PEX5L: variants seen among roughly 807,000 people sequenced by gnomAD.
The protein encoded by PEX5L is PEX5-related protein.
PEX5L carries 30 observed loss-of-function variants against 84.0 expected under a neutral mutation model. The observed-to-expected ratio is 0.36, with a 90% CI of 0.27 to 0.48. PEX5L has a LOEUF of 0.48. Among genes scored for constraint, PEX5L ranks in the 20% least tolerant of loss-of-function variants. The probability of loss-of-function intolerance (pLI) is 0.99; values close to 1 mark genes in which losing one functional copy is unlikely to be tolerated. For synonymous variants in PEX5L, 270 were observed against 283.1 expected (o/e 0.95, Z 0.46); for missense variants, 533 against 754.6 (o/e 0.71, Z 3.44).
intron 9 of PEX5L, among the ~76,000 whole-genome samples, chr3:179,816,253 C>T (rs1382613329): frequency 6.6e-6 from 1 of 151,994 alleles, no homozygotes; most frequent in Non-Finnish European, 1.5e-5. Flanking sequence ...GAGTATATAC[C>T]CAAAGGATCA....
intron 7 of PEX5L, among the ~76,000 whole-genome samples, chr3:179,860,690 T>C (rs980249488): frequency 2.6e-5 from 4 of 152,248 alleles, no homozygotes; most frequent in Non-Finnish European, 5.9e-5. Flanking sequence ...TGTGACACGA[T>C]AGTACTACCA....
chr3:180,036,817 C>T lies in PEX5L; in HGVS notation c.-218G>A. ...CCGCTCGGGGTGCTGAAAGCGGACGCGGGAGAGCGCGCAGAGAAGGCGAGG... is the reference window on the plus strand; with the variant it reads ...CCGCTCGGGGTGCTGAAAGCGGACGTGGGAGAGCGCGCAGAGAAGGCGAGG... On this transcript the variant is annotated 5_prime_UTR_variant, in exon 1 of 15. Transcript: ENST00000467460. 1.7e-6 allele frequency: 1 copy of T among 573,512 alleles called. No individual in the cohort carries two copies. Among genetic ancestry groups the T allele is most frequent in the Non-Finnish European group, 3.2e-6 (1 of 317,164 alleles). The allele number at this position is 573,512 out of a possible 1,614,324, so 35.5% of individuals were successfully genotyped here.
At chr3:179,848,182 C>T (rs1215355043) in intron 8 of PEX5L, among the ~76,000 whole-genome samples, 1 of 151,920 alleles carries the variant, frequency 6.6e-6, no homozygotes, top group African/African-American at 2.4e-5. Flanking sequence ...TTGATTTATA[C>T]AGTGCAGCAC....
intron 8 of PEX5L, among the ~76,000 whole-genome samples, chr3:179,847,282 A>G (rs1422406747): frequency 1.3e-5 from 2 of 152,070 alleles, no homozygotes; most frequent in Non-Finnish European, 2.9e-5. Flanking sequence ...TGATATATAG[A>G]TATCTGTATA....
intron 7 of PEX5L, among the ~76,000 whole-genome samples, chr3:179,866,034 G>C (rs904921809): frequency 6.6e-6 from 1 of 152,080 alleles, no homozygotes; most frequent in African/African-American, 2.4e-5. Flanking sequence ...ATTTTAATTG[G>C]TTTAACTTAA....
intron 2 of PEX5L, chr3:179,921,981 T>A (rs1769577992): frequency 6.6e-6 from 1 of 152,236 alleles, no homozygotes; most frequent in South Asian, 2.1e-4. Context: ...AAAAGGCTTA[T>A]GAATGGGACA....
At chr3:179,977,885 C>A (rs990584611) in intron 1 of PEX5L, among the ~76,000 whole-genome samples, 1 of 152,136 alleles carries the variant, frequency 6.6e-6, no homozygotes, top group African/African-American at 2.4e-5. Flanking sequence ...CCCTCTCTAA[C>A]TGTGATCATG....
intron 9 of PEX5L, among the ~76,000 whole-genome samples, chr3:179,816,742 A>T (rs1168806457): frequency 6.6e-6 from 1 of 151,984 alleles, no homozygotes; most frequent in African/African-American, 2.4e-5. Flanking sequence ...ATAATAAACA[A>T]TTTTAAATTA....
intron 8 of PEX5L, among the ~76,000 whole-genome samples, chr3:179,840,045 TGAG>T (rs1420790031): frequency 6.6e-6 from 1 of 151,836 alleles, no homozygotes; most frequent in African/African-American, 2.4e-5. Flanking sequence ...TCCTGTGGAA[TGAG>T]GAGGAGGGAC....
chr3:180,005,138 T>G (rs920047965), intron 1 of PEX5L, among the ~76,000 whole-genome samples: 1 of 152,164 alleles, frequency 6.6e-6, no homozygotes, highest in Non-Finnish European at 1.5e-5. Flanking sequence ...GAAAGAGAAA[T>G]AATGTATTAA....
At chr3:179,950,634 C>G (rs1005674113) in intron 2 of PEX5L, among the ~76,000 whole-genome samples, 33 of 152,320 alleles carry the variant, frequency 2.2e-4, no homozygotes, top group Non-Finnish European at 4.3e-4. Flanking sequence ...CACATGCTGT[C>G]TAATGCAGGT....
At chr3:179,856,915 G>GAAACT (rs1432143585) in intron 8 of PEX5L, among the ~76,000 whole-genome samples, 2 of 152,230 alleles carry the variant, frequency 1.3e-5, no homozygotes, top group African/African-American at 4.8e-5. Context: ...CAGGTGATAT[G>GAAACT]AAACTAAAGT....
intron 8 of PEX5L, among the ~76,000 whole-genome samples, chr3:179,842,310 G>A (rs112467269): frequency 2.3e-4 from 35 of 152,214 alleles, no homozygotes; most frequent in African/African-American, 8.2e-4. Flanking sequence ...AGTTTCATTT[G>A]CAAATGAATG....
intron 8 of PEX5L, among the ~76,000 whole-genome samples, chr3:179,840,942 T>C (rs938220773): frequency 6.6e-6 from 1 of 152,088 alleles, no homozygotes; most frequent in African/African-American, 2.4e-5. Flanking sequence ...TTGGGATCTC[T>C]GAGGAGAGGT....
chr3:179,815,622 T>C (rs559964729), intron 10 of PEX5L, among the ~76,000 whole-genome samples: 1 of 152,236 alleles, frequency 6.6e-6, no homozygotes, highest in African/African-American at 2.4e-5. Context: ...AGGTTGGTAA[T>C]TTTGATTTTT....
intron 1 of PEX5L, among the ~76,000 whole-genome samples, chr3:179,981,596 G>T (rs1172963521): frequency 6.6e-6 from 1 of 151,426 alleles, no homozygotes; most frequent in Non-Finnish European, 1.5e-5. Context: ...AATTAAATTA[G>T]CAGAGTATGG....
At chr3:179,940,978 A>G (rs1392584628) in intron 2 of PEX5L, among the ~76,000 whole-genome samples, 1 of 152,232 alleles carries the variant, frequency 6.6e-6, no homozygotes, top group African/African-American at 2.4e-5. Flanking sequence ...GCCAGGCGTT[A>G]TGGTAGGCCA....
chr3:179,995,778 T>C (rs1437250998), intron 1 of PEX5L, among the ~76,000 whole-genome samples: 2 of 152,180 alleles, frequency 1.3e-5, no homozygotes, highest in Non-Finnish European at 2.9e-5. Context: ...CAAGCTCTTA[T>C]GAAGCAAGTG....
chr3:179,996,542 T>C (rs564609374), intron 1 of PEX5L, among the ~76,000 whole-genome samples: 1 of 152,140 alleles, frequency 6.6e-6, no homozygotes, highest in Non-Finnish European at 1.5e-5. Flanking sequence ...GAGATTGGGA[T>C]GGTAGAATGG....
Sources: allele counts gnomAD v4.1 joint callset (sites outside exome capture counted in the v4.1 genomes callset), GRCh38; gene constraint gnomAD v4.1.1; transcripts MANE v1.5; gene names NCBI Gene and HGNC (gene_info 2026-07-23, HGNC 2026-07-21).